SSR1: variants seen among roughly 807,000 people sequenced by gnomAD.
SSR1 encodes the protein signal sequence receptor subunit 1, also known as translocon-associated protein subunit alpha.
SSR1 carries 13 observed loss-of-function variants against 36.1 expected under a neutral mutation model. That is an observed-to-expected ratio of 0.36 (90% CI 0.23 to 0.57). The LOEUF is 0.57. SSR1 is among the 20% of genes least tolerant of loss of function. The pLI is 0.81. For synonymous variants in SSR1, 113 were observed against 118.9 expected (o/e 0.95, Z 0.32); for missense variants, 291 against 338.5 (o/e 0.86, Z 1.10).
At chr6:7,290,411 ATGTT>A (rs3839522) in intron 7 of SSR1, among the ~76,000 whole-genome samples, 110,461 of 151,544 alleles carry the variant, frequency 0.73, 40,738 homozygotes, top group African/African-American at 0.82. Flanking sequence ...TATCTCCCAT[ATGTT>A]TGTTAGATTC....
Position 7,301,253 on chromosome 6 carries a change from C to T in SSR1, c.543+57G>A, listed in dbSNP as rs149898963. 4.2e-3 allele frequency: 6,630 copies of T among 1,568,402 alleles called. 22 individuals carry two copies. The highest frequency in any genetic ancestry group is 5.2e-3 in the Non-Finnish European group (6,017 of 1,160,798). On this transcript the variant is annotated intron_variant, in intron 4 of 7. Transcript: ENST00000244763. The stretch of plus-strand genomic sequence containing the variant: ...TGAACAGATATATTCTATTAAACAA[C>T]GTCACCGCCCCCATCCATCTCTAAC...
rs1757607076 is a variant in SSR1, at chr6:7,288,548, G to A, written c.*1316C>T. 1 of 152,526 alleles carries A rather than the reference G, an allele frequency of 6.6e-6. No individual in the cohort carries two copies. The highest frequency in any genetic ancestry group is 6.5e-5 in the Admixed American group (1 of 15,270). 9.4% of individuals were successfully genotyped at this position (152,526 alleles called of 1,614,324 possible). On this transcript the variant is annotated 3_prime_UTR_variant, in exon 8 of 8. Transcript: ENST00000244763. Reference sequence around the variant, plus strand: ...GCATAGGGGAGGTTATACTGAAAAGGAGAATGAAGAGGTCAGGAATTAAAG... The same window carrying A: ...GCATAGGGGAGGTTATACTGAAAAGAAGAATGAAGAGGTCAGGAATTAAAG...
chr6:7,309,631 T>C (rs1581638442), intron 2 of SSR1, among the ~76,000 whole-genome samples: 1 of 152,196 alleles, frequency 6.6e-6, no homozygotes, highest in Non-Finnish European at 1.5e-5. Context: ...GCTGTTCTCG[T>C]GAAAGTGAGT....
At position 7,313,029 on chromosome 6, in the gene SSR1, C is replaced by T. The variant is rs930848767; in HGVS notation, c.79+13G>A. On this transcript the variant is annotated intron_variant, in intron 1 of 7. Coordinates refer to ENST00000244763, the MANE Select transcript of SSR1 (RefSeq NM_003144.5). Reference sequence around the variant, plus strand: ...TTCCTGGCCATCCCCTCCGCACACTCCCCCAGCCTCACCTCTGGGGCCGCC... The same window carrying T: ...TTCCTGGCCATCCCCTCCGCACACTTCCCCAGCCTCACCTCTGGGGCCGCC... 1 of 1,593,210 alleles carries T rather than the reference C, an allele frequency of 6.3e-7. No individual in the cohort carries two copies. The highest frequency in any genetic ancestry group is 1.1e-5 in the South Asian group (1 of 87,916).
intron 2 of SSR1, among the ~76,000 whole-genome samples, chr6:7,309,686 T>C (rs964795761): frequency 6.6e-6 from 1 of 152,208 alleles, no homozygotes; most frequent in African/African-American, 2.4e-5. Flanking sequence ...TCCCCACCCT[T>C]TGCTCTGCAC....
At chr6:7,306,952 T>TAA (rs77938603) in intron 2 of SSR1, among the ~76,000 whole-genome samples, 65,129 of 132,064 alleles carry the variant, frequency 0.49, 16,144 homozygotes, top group East Asian at 0.6. Flanking sequence ...CAAGGTGACT[T>TAA]AAAAAAAAAA....
In SSR1 at chr6:7,288,384, T is replaced by C. The variant is rs1308927015; in HGVS notation, c.*1480A>G. ...AGCAATGCCAATATAGGTAATTTGA[T>C]AGCCCCTATTTGCAAAGTGATTAAC... On this transcript the variant is annotated 3_prime_UTR_variant, in exon 8 of 8. Coordinates refer to ENST00000244763, the MANE Select transcript of SSR1 (RefSeq NM_003144.5). 1 of 152,232 alleles carries C rather than the reference T, an allele frequency of 6.6e-6. No homozygotes were observed. The highest frequency in any genetic ancestry group is 1.5e-5 in the Non-Finnish European group (1 of 68,026). 9.4% of individuals were successfully genotyped at this position (152,232 alleles called of 1,614,324 possible).
intron 7 of SSR1, among the ~76,000 whole-genome samples, chr6:7,291,276 T>C (rs1309943988): frequency 6.6e-6 from 1 of 152,010 alleles, no homozygotes; most frequent in Non-Finnish European, 1.5e-5. Flanking sequence ...TACACGCCTG[T>C]GATCTCAGCT....
chr6:7,299,529 T>G (rs9502589), intron 4 of SSR1, among the ~76,000 whole-genome samples: 167 of 151,870 alleles, frequency 1.1e-3, no homozygotes, highest in African/African-American at 3.9e-3. Flanking sequence ...AGAAACCCCC[T>G]CTCTACTAAA....
At position 7,284,170 on chromosome 6, in the gene SSR1, G is replaced by A. The variant is rs1019433679; in HGVS notation, c.*5694C>T. On this transcript the variant is annotated 3_prime_UTR_variant, in exon 8 of 8. Coordinates refer to ENST00000244763, the MANE Select transcript of SSR1 (RefSeq NM_003144.5). ...TAATTTTCTTTGGGTGGTTCAGTCT[G>A]ATGCTGAAATAAATTGCAAGATGAT... The A allele has an allele frequency of 1.3e-5, 2 of 152,210 alleles. No homozygotes were observed. Among genetic ancestry groups the A allele is most frequent in the African/African-American group, 4.8e-5 (2 of 41,436 alleles). 9.4% of individuals were successfully genotyped at this position (152,210 alleles called of 1,614,324 possible).
At chr6:7,302,806 T>C (rs9502593) in intron 3 of SSR1, among the ~76,000 whole-genome samples, 71,767 of 151,576 alleles carry the variant, frequency 0.47, 17,022 homozygotes, top group East Asian at 0.57. Context: ...CTAGACCATA[T>C]TGGAAAAATT....
At chr6:7,310,282 C>T (rs7765155) in intron 1 of SSR1, among the ~76,000 whole-genome samples, 44,809 of 147,946 alleles carry the variant, frequency 0.3, 7,483 homozygotes, top group African/African-American at 0.46. Context: ...GTTGGGAGTA[C>T]AGTTGTGCAG....
At position 7,288,158 on chromosome 6, in the gene SSR1, A is replaced by G. The variant is rs1581624525; in HGVS notation, c.*1706T>C. 1.3e-5 allele frequency: 2 copies of G among 152,326 alleles called. No individual in the cohort carries two copies. The highest frequency in any genetic ancestry group is 2.1e-4 in the South Asian group (1 of 4,834). 9.4% of individuals were successfully genotyped at this position (152,326 alleles called of 1,614,324 possible). On this transcript the variant is annotated 3_prime_UTR_variant, in exon 8 of 8. Transcript: ENST00000244763. ...ATTACACCTTACTGTATCATGCCCT[A>G]GTAGTTTCACAAACTTAGATATTCA...
chr6:7,312,635 G>T (rs1273293117), intron 1 of SSR1, among the ~76,000 whole-genome samples: 3 of 152,232 alleles, frequency 2.0e-5, no homozygotes, highest in South Asian at 2.1e-4. Flanking sequence ...GGGGCTGGGG[G>T]TGGAGCGGAG....
At chr6:7,293,485 C>T (rs1757727395) in intron 7 of SSR1, among the ~76,000 whole-genome samples, 1 of 151,792 alleles carries the variant, frequency 6.6e-6, no homozygotes, top group African/African-American at 2.4e-5. Flanking sequence ...GTCACCCAGG[C>T]TGGAGTGCAG....
intron 5 of SSR1, among the ~76,000 whole-genome samples, chr6:7,298,250 G>C (rs1006649265): frequency 6.6e-6 from 1 of 151,948 alleles, no homozygotes; most frequent in East Asian, 1.9e-4. Flanking sequence ...TCAAAAGCTT[G>C]GTTTATAAAA....
At position 7,283,841 on chromosome 6, in the gene SSR1, T is replaced by C. The variant is rs1041700944; in HGVS notation, c.*6023A>G. The C allele has an allele frequency of 7.9e-5, 12 of 152,212 alleles. No individual in the cohort carries two copies. Among genetic ancestry groups the C allele is most frequent in the African/African-American group, 2.4e-4 (10 of 41,430 alleles). 9.4% of individuals were successfully genotyped at this position (152,212 alleles called of 1,614,324 possible). ...GAGAATGTGCTCCCTGCCAAAAGGC[T>C]CCTACCCTATTCCAACCAAGCCGGA... On this transcript the variant is annotated 3_prime_UTR_variant, in exon 8 of 8. Transcript: ENST00000244763.
Position 7,286,501 on chromosome 6 carries a change from G to A in SSR1, c.*3363C>T, listed in dbSNP as rs1157257331. The A allele has an allele frequency of 2.0e-5, 3 of 152,216 alleles. No homozygotes were observed. The highest frequency in any genetic ancestry group is 2.9e-5 in the Non-Finnish European group (2 of 68,034). 9.4% of individuals were successfully genotyped at this position (152,216 alleles called of 1,614,324 possible). The stretch of plus-strand genomic sequence containing the variant: ...TTCCACCAGTAAGAATCTTGTTTGT[G>A]TGTGAAGCTGCTTTTTACTAAGTTG... On this transcript the variant is annotated 3_prime_UTR_variant, in exon 8 of 8. Coordinates refer to ENST00000244763, the MANE Select transcript of SSR1 (RefSeq NM_003144.5).
At chr6:7,303,715 G>T in intron 2 of SSR1, 78 bp from the exon 3 acceptor site, 1 of 1,168,644 alleles carries the variant, frequency 8.6e-7, no homozygotes, top group Non-Finnish European at 1.2e-6. Flanking sequence ...ATTTGGCCGG[G>T]CACGGTGGCT....
Sources: gnomAD v4.1 joint callset for allele counts (sites outside exome capture counted in the v4.1 genomes callset) on GRCh38, gnomAD v4.1.1 for gene constraint, MANE v1.5 for transcripts, NCBI Gene and HGNC (gene_info 2026-07-23, HGNC 2026-07-21) for gene names.